Variants in VILL observed in about 807,000 individuals in gnomAD.
VILL encodes the protein villin like.
VILL carries 102 observed loss-of-function variants against 106.3 expected under a neutral mutation model. The observed-to-expected ratio is 0.96, with a 90% CI of 0.82 to 1.13. The LOEUF (loss-of-function observed/expected upper bound fraction) is 1.13, where lower values mean the gene tolerates loss of function less well. Ranked by LOEUF, VILL falls within the 50% of genes most tolerant of loss-of-function variation. The pLI is 0.00. For missense variants in VILL, 1,076 were observed against 1,116.6 expected, an observed-to-expected ratio of 0.96 and a Z score of 0.52; for synonymous variants, 431 against 440.3, an observed-to-expected ratio of 0.98 and a Z score of 0.27.
At chr3:38,001,149 G>C in intron 11 of VILL, 1 of 539,454 alleles carries the variant, frequency 1.9e-6, no homozygotes, top group Admixed American at 2.6e-5. Flanking sequence ...GCTGGGAGGG[G>C]ACTGAACTGC....
chr3:37,999,048 G>C lies in VILL; in HGVS notation c.1079G>C (p.Arg360Thr). 2 of 1,554,634 alleles carry C rather than the reference G, an allele frequency of 1.3e-6. No homozygotes were observed. Among genetic ancestry groups the C allele is most frequent in the Non-Finnish European group, 1.7e-6 (2 of 1,147,282 alleles). The change falls in exon 10 of 20, where the codon AGG becomes ACG. Residue 360 changes from arginine (R) to threonine (T), a missense_variant and splice_region_variant. Transcript: ENST00000383759. ...KRRRNQKLGG[R>T]DKSIHVKLDV... ...CGCAGGAACCAGAAGCTCGGCGGGA[G>C]GGGTGAGCGGGCGGGGCGGGGCTGA...
intron 3 of VILL, 30 bp downstream of exon 3, chr3:37,994,002 G>T: frequency 6.2e-7 from 1 of 1,613,234 alleles, no homozygotes; most frequent in Non-Finnish European, 8.5e-7. Flanking sequence ...CTGCCTGAGA[G>T]GGGTGGCATG....
chr3:37,995,917 G>C, intron 5 of VILL, 70 bp downstream of exon 5: 1 of 1,328,816 alleles, frequency 7.5e-7, no homozygotes, highest in Non-Finnish European at 1.1e-6. Flanking sequence ...GTATAAGGAG[G>C]TTGGAAATTG....
In VILL at chr3:38,001,510, C is replaced by T; in HGVS notation, c.1237C>T (p.Gln413Ter). The change falls in exon 12 of 20, where the codon CAG becomes TAG. Residue 413 changes from glutamine (Q) to a stop codon, truncating the protein, a stop_gained. Transcript: ENST00000383759. LOFTEE classifies it high-confidence loss of function. ...RQPVDPKRHG[Q>*]LCAGNCYLVL... ...GCCCGTGGACCCCAAGCGTCATGGA[C>T]AGCTGTGTGCAGGCAACTGCTACCT... 6.2e-7 allele frequency: 1 copy of T among 1,614,226 alleles called. No homozygotes were observed. Among genetic ancestry groups the T allele is most frequent in the East Asian group, 2.2e-5 (1 of 44,886 alleles).
rs571101843 is a variant in VILL at position 37,999,333 on chromosome 3, C to G, written c.1082-6C>G. On this transcript the variant is annotated splice_region_variant and splice_polypyrimidine_tract_variant and intron_variant, in intron 10 of 19. Coordinates refer to ENST00000383759, the MANE Select transcript of VILL (RefSeq NM_015873.4). ...GCGCCACTGACGCCTACTGTCCCCCCTTCAGATAAATCGATTCATGTAAAG... is the reference window on the plus strand; with the variant it reads ...GCGCCACTGACGCCTACTGTCCCCCGTTCAGATAAATCGATTCATGTAAAG... 1.3e-6 allele frequency: 2 copies of G among 1,512,290 alleles called. No homozygotes were observed. Among genetic ancestry groups the G allele is most frequent in the African/African-American group, 1.4e-5 (1 of 69,248 alleles). 93.7% of individuals were successfully genotyped at this position (1,512,290 alleles called of 1,614,324 possible).
intron 15 of VILL, 107 bp from the exon 16 acceptor site, chr3:38,004,148 C>A: frequency 6.9e-7 from 1 of 1,456,296 alleles, no homozygotes; most frequent in Admixed American, 2.2e-5. Context: ...GGGCCCAGGG[C>A]TCCCACTCCT....
In VILL at chr3:37,998,771, A is replaced by T; in HGVS notation, c.943-141A>T. 1 of 1,390,282 alleles carries T rather than the reference A, an allele frequency of 7.2e-7. No homozygotes were observed. Among genetic ancestry groups the T allele is most frequent in the Non-Finnish European group, 9.4e-7 (1 of 1,059,056 alleles). The allele number at this position is 1,390,282 out of a possible 1,614,324, so 86.1% of individuals were successfully genotyped here. A position where few individuals can be genotyped will look rare whatever the true frequency, so the allele number is the denominator to read the frequency against. ...ACCTCAGAGAAGTCGGTGGTGACAG[A>T]GTCAATTCGCTAAGTGGGTCATGAG... On this transcript the variant is annotated intron_variant, in intron 9 of 19. Coordinates refer to ENST00000383759, the MANE Select transcript of VILL (RefSeq NM_015873.4). The surrounding 1 kb of genome is among the most constrained non-coding windows in gnomAD (Gnocchi z 4.1).
chr3:37,999,276 G>C, intron 10 of VILL, 63 bp from the exon 11 acceptor site: 1 of 1,342,140 alleles, frequency 7.5e-7, no homozygotes, highest in Non-Finnish European at 1.0e-6. Context: ...AGGAGTGGGC[G>C]GGGCGGAGAT....
rs750571116 is a variant in VILL, at chr3:37,999,078, G to T, written c.1081+28G>T. On this transcript the variant is annotated intron_variant, in intron 10 of 19. Coordinates refer to ENST00000383759, the MANE Select transcript of VILL (RefSeq NM_015873.4). ...GAGCGGGCGGGGCGGGGCTGACGGGGGCGGGGCGGGACTGGCGGGGGCGGG... is the reference window on the plus strand; with the variant it reads ...GAGCGGGCGGGGCGGGGCTGACGGGTGCGGGGCGGGACTGGCGGGGGCGGG... The T allele has an allele frequency of 1.0e-4, 131 of 1,287,000 alleles. 1 individual carries two copies. Among genetic ancestry groups the T allele is most frequent in the Non-Finnish European group, 6.0e-5 (58 of 967,896 alleles). The allele number at this position is 1,287,000 out of a possible 1,614,324, so 79.7% of individuals were successfully genotyped here.
chr3:38,006,909 T>C (rs1373619782), intron 19 of VILL, 33 bp from the exon 20 acceptor site: 7 of 1,589,844 alleles, frequency 4.4e-6, no homozygotes, highest in African/African-American at 1.3e-5. Flanking sequence ...GATGACACCC[T>C]ACCCTGTACC....
Position 38,005,796 on chromosome 3 carries a change from TC to T in VILL, c.1957del (p.Leu653CysfsTer21). 1 of 1,609,332 alleles carries T rather than the reference TC, an allele frequency of 6.2e-7. No homozygotes were observed. Among genetic ancestry groups the T allele is most frequent in the Non-Finnish European group, 8.5e-7 (1 of 1,177,536 alleles). ...IMLLDTWQEI[F>X]LWLGEAASEW... ...CAGGTCCCCTCTGTGGCTCAGATCT[TC>T]CTGTGGCTTGGGGAAGCTGCAAGTG... On this transcript the variant is annotated frameshift_variant, in exon 17 of 20. Transcript: ENST00000383759. LOFTEE classifies it high-confidence loss of function.
chr3:38,006,367 A>G, intron 18 of VILL, 82 bp from the exon 19 acceptor site: 1 of 1,596,976 alleles, frequency 6.3e-7, no homozygotes, highest in Non-Finnish European at 8.6e-7. Context: ...AGTTGGAGGT[A>G]AGAGGCCTGT....
Position 37,999,010 on chromosome 3 carries a change from G to C in VILL, c.1041G>C (p.Trp347Cys). The C allele has an allele frequency of 1.3e-6, 2 of 1,599,878 alleles. No individual in the cohort carries two copies. The highest frequency in any genetic ancestry group is 1.7e-6 in the Non-Finnish European group (2 of 1,172,572). ...SAAFKQLFRT[W>C]SEKRRRNQKL... is the part of the protein sequence containing the mutation. ...CGTTCAAGCAGCTCTTCCGGACTTG[G>C]TCTGAGAAGCGGCGCAGGAACCAGA... Residue 347 changes from tryptophan (W) to cysteine (C), a missense_variant, in exon 10 of 20, where the codon TGG becomes TGC. Coordinates refer to ENST00000383759, the MANE Select transcript of VILL (RefSeq NM_015873.4).
Position 37,997,118 on chromosome 3 carries a change from C to T in VILL, c.492C>T (p.Phe164=), listed in dbSNP as rs762205324. Residue 164 remains phenylalanine, a synonymous_variant, in exon 6 of 20, where the codon TTC becomes TTT. Coordinates refer to ENST00000383759, the MANE Select transcript of VILL (RefSeq NM_015873.4). This position sits in a 1 kb window ranked among gnomAD's most constrained non-coding sequence, Gnocchi z 4.7. ...SWNSFNKGDI[F]LLDLGKMMIQ... ...ACAGCTTTAATAAGGGTGACATCTT[C>T]CTGCTGGACCTAGGCAAGATGATGA... The T allele has an allele frequency of 6.2e-7, 1 of 1,614,164 alleles. No individual in the cohort carries two copies. Among genetic ancestry groups the T allele is most frequent in the Admixed American group, 1.7e-5 (1 of 60,032 alleles).
chr3:38,005,925 C>T lies in VILL; in HGVS notation c.2084C>T (p.Pro695Leu), dbSNP rs1227663011. ...PIVLVKQGHEPPTFIGWFFTW... is the reference protein window; with the variant it reads ...PIVLVKQGHELPTFIGWFFTW... ...GTGCTGGTCAAGCAGGGCCATGAGC[C>T]TCCCACCTTCATTGGATGGTTCTTC... Residue 695 changes from proline to leucine, a missense_variant, in exon 17 of 20, where the codon CCT becomes CTT. Physicochemically the swap from Pro to Leu is moderately conservative, Grantham distance 98. Transcript: ENST00000383759. 6.2e-7 allele frequency: 1 copy of T among 1,613,882 alleles called. No homozygotes were observed. Among genetic ancestry groups the T allele is most frequent in the Non-Finnish European group, 8.5e-7 (1 of 1,179,904 alleles).
At position 37,997,191 on chromosome 3, in the gene VILL, AG is replaced by A; in HGVS notation, c.561+5del. On this transcript the variant is annotated splice_donor_5th_base_variant and intron_variant, in intron 6 of 19. Coordinates refer to ENST00000383759, the MANE Select transcript of VILL (RefSeq NM_015873.4). The surrounding 1 kb of genome is among the most constrained non-coding windows in gnomAD (Gnocchi z 4.7). The stretch of plus-strand genomic sequence containing the variant: ...CAGCATTTCTGAGAAGGCTCGGGTC[AG>A]TGTCTGCCCAAGGAACTGGGGAGTA... The A allele has an allele frequency of 6.2e-7, 1 of 1,613,894 alleles. No homozygotes were observed. The highest frequency in any genetic ancestry group is 8.5e-7 in the Non-Finnish European group (1 of 1,179,800).
At position 37,997,080 on chromosome 3, in the gene VILL, G is replaced by C. The variant is rs1309162175; in HGVS notation, c.454G>C (p.Glu152Gln). 2 of 1,613,910 alleles carry C rather than the reference G, an allele frequency of 1.2e-6. No individual in the cohort carries two copies. Among genetic ancestry groups the C allele is most frequent in the Non-Finnish European group, 1.7e-6 (2 of 1,179,880 alleles). The change falls in exon 6 of 20, where the codon GAG becomes CAG. Residue 152 changes from glutamate (E) to glutamine (Q), a missense_variant. Transcript: ENST00000383759. This position sits in a 1 kb window ranked among gnomAD's most constrained non-coding sequence, Gnocchi z 4.7. ...TCTCTCTCCCTGGCTCTGGCAGGTGGAGCTCTCCTGGAACAGCTTTAATAA... is the reference window on the plus strand; with the variant it reads ...TCTCTCTCCCTGGCTCTGGCAGGTGCAGCTCTCCTGGAACAGCTTTAATAA... ...GRKHVSATEV[E>Q]LSWNSFNKGD...
At chr3:38,001,937 C>T (rs775715997) in intron 13 of VILL, 77 bp downstream of exon 13, 6 of 1,600,446 alleles carry the variant, frequency 3.7e-6, no homozygotes, top group Non-Finnish European at 5.1e-6. Context: ...CACTTCTAAG[C>T]ACCTTCTCTT....
At chr3:38,004,222 G>A (rs1699872298) in intron 15 of VILL, 33 bp from the exon 16 acceptor site, 1 of 1,590,154 alleles carries the variant, frequency 6.3e-7, no homozygotes, top group Non-Finnish European at 8.6e-7. Context: ...GCCCCTCTGG[G>A]TGGCTCACAG....
Sources: allele counts gnomAD v4.1 joint callset, GRCh38; gene constraint gnomAD v4.1.1; non-coding constraint Gnocchi (gnomAD v3.1); transcripts MANE v1.5; gene names NCBI Gene and HGNC (gene_info 2026-07-23, HGNC 2026-07-21).